The following FGD4 variants were observed in gnomAD, a reference collection of about 807,000 sequenced individuals.
The protein encoded by FGD4 is FYVE, RhoGEF and PH domain containing 4.
FGD4 carries 42 observed loss-of-function variants against 102.0 expected under a neutral mutation model. The observed-to-expected ratio is 0.41, with a 90% CI of 0.32 to 0.53. The LOEUF (loss-of-function observed/expected upper bound fraction) is 0.53, where lower values mean the gene tolerates loss of function less well. Ranked by LOEUF, FGD4 falls within the 20% of genes least tolerant of loss-of-function variation. The pLI is 0.21. For synonymous variants in FGD4, 380 were observed against 375.7 expected, an observed-to-expected ratio of 1.01 and a Z score of -0.13; for missense variants, 902 against 1,078.2, an observed-to-expected ratio of 0.84 and a Z score of 2.29.
Position 32,643,399 on chromosome 12 carries a change from C to T in FGD4, c.*2866C>T, listed in dbSNP as rs1379553656. 5 of 152,212 alleles carry T rather than the reference C, an allele frequency of 3.3e-5. No homozygotes were observed. Among genetic ancestry groups the T allele is most frequent in the Non-Finnish European group, 5.9e-5 (4 of 67,898 alleles). 9.4% of individuals were successfully genotyped at this position (152,212 alleles called of 1,614,324 possible). On this transcript the variant is annotated 3_prime_UTR_variant, in exon 17 of 17. Coordinates refer to ENST00000534526, the MANE Select transcript of FGD4 (RefSeq NM_001370298.3). Reference sequence around the variant, plus strand: ...ACTTTCTAGATGTGATACGGTAATTCGAATTGCAGAGTATAAGGAAGGGAA... The same window carrying T: ...ACTTTCTAGATGTGATACGGTAATTTGAATTGCAGAGTATAAGGAAGGGAA...
In FGD4 at chr12:32,633,918, G is replaced by A. The variant is rs569111282; in HGVS notation, c.2313+229G>A. Among the ~76,000 whole-genome samples, 275 of 152,262 alleles carry A rather than the reference G, an allele frequency of 1.8e-3. 9 individuals are homozygous for A. In the South Asian group the frequency reaches 0.055, roughly 30 times the overall value. ...AGCTGGTCTCAAACTCCTGACCTCA[G>A]GTGATCTGCCCACCTCGGCCTCCCA... is the stretch of plus-strand genomic sequence containing the variant. On this transcript the variant is annotated intron_variant, in intron 15 of 16. Transcript: ENST00000534526.
rs1209832246 is a variant in FGD4, at chr12:32,611,174, T to C, written c.1640T>C (p.Leu547Ser). 6.2e-7 allele frequency: 1 copy of C among 1,614,170 alleles called. No homozygotes were observed. Among genetic ancestry groups the C allele is most frequent in the South Asian group, 1.1e-5 (1 of 91,084 alleles). Residue 547 changes from leucine to serine, a missense_variant, in exon 10 of 17, where the codon TTG (leucine) becomes TCG (serine). Coordinates refer to ENST00000534526, the MANE Select transcript of FGD4 (RefSeq NM_001370298.3). ...AAACTCTTAGAGATTTATGAAATGT[T>C]GGGAGAAGAAGAAGACATTGTAAAC... is the stretch of plus-strand genomic sequence containing the variant. ...LKKLLEIYEM[L>S]GEEEDIVNPS...
intron 1 of FGD4, among the ~76,000 whole-genome samples, chr12:32,467,787 G>A (rs960714186): frequency 6.6e-6 from 1 of 152,074 alleles, no homozygotes; most frequent in Admixed American, 6.5e-5. Context: ...AGGCCAAGGC[G>A]GGCAGATCAC....
At chr12:32,435,264 T>G (rs1942190411) in intron 1 of FGD4, among the ~76,000 whole-genome samples, 1 of 152,102 alleles carries the variant, frequency 6.6e-6, no homozygotes, top group African/African-American at 2.4e-5. Context: ...TTCTTTAAAG[T>G]GAAATGAAAC....
chr12:32,435,747 G>A (rs1395799622), intron 1 of FGD4, among the ~76,000 whole-genome samples: 2 of 152,028 alleles, frequency 1.3e-5, no homozygotes, highest in African/African-American at 2.4e-5. Context: ...GGGTGGCCCC[G>A]CTTTCTGATT....
intron 4 of FGD4, among the ~76,000 whole-genome samples, chr12:32,585,089 C>G (rs1411496496): frequency 6.6e-6 from 1 of 151,444 alleles, no homozygotes; most frequent in Admixed American, 6.6e-5. Context: ...GGTGTGGTGT[C>G]ATGCACCACC....
In FGD4 at chr12:32,497,459, A is replaced by G. The variant is rs532830542; in HGVS notation, c.167-66678A>G. The stretch of plus-strand genomic sequence containing the variant: ...TAATATATAGAAAATATCTAAGGAG[A>G]TACCACCTCTTTATAGATACTGTAT... On this transcript the variant is annotated intron_variant, in intron 1 of 16. Transcript: ENST00000534526. Among the ~76,000 whole-genome samples, 28 of 152,304 alleles carry G rather than the reference A, an allele frequency of 1.8e-4. No individual in the cohort carries two copies. The South Asian group carries it at 5.8e-3, about 32-fold the overall frequency.
chr12:32,519,946 C>CAAAAT (rs1187903019), intron 1 of FGD4, among the ~76,000 whole-genome samples: 2 of 151,882 alleles, frequency 1.3e-5, no homozygotes, highest in Admixed American at 6.6e-5. Flanking sequence ...GACTCCATCT[C>CAAAAT]AAAATAAAAT....
intron 1 of FGD4, among the ~76,000 whole-genome samples, chr12:32,405,486 C>A (rs150331306): frequency 6.6e-6 from 1 of 151,296 alleles, no homozygotes; most frequent in Non-Finnish European, 1.5e-5. Context: ...CTCGAACTCC[C>A]GACCTCAGGT....
At chr12:32,486,075 T>C (rs2136559030) in intron 1 of FGD4, 1 of 1,519,444 alleles carries the variant, frequency 6.6e-7, no homozygotes. Context: ...AAATCCTTGC[T>C]CCAGAAGCAG....
chr12:32,475,411 T>G (rs1943559465), intron 1 of FGD4, among the ~76,000 whole-genome samples: 1 of 152,224 alleles, frequency 6.6e-6, no homozygotes, highest in African/African-American at 2.4e-5. Context: ...TTGGATGCCT[T>G]TGTATCAGAC....
intron 6 of FGD4, among the ~76,000 whole-genome samples, chr12:32,601,624 A>G (rs1295211525): frequency 6.6e-6 from 1 of 152,244 alleles, no homozygotes; most frequent in Non-Finnish European, 1.5e-5. Flanking sequence ...TGAAGACAAG[A>G]TATCGGGTAA....
At chr12:32,419,416 G>T (rs1202351221) in intron 1 of FGD4, among the ~76,000 whole-genome samples, 2 of 152,164 alleles carry the variant, frequency 1.3e-5, no homozygotes, top group Non-Finnish European at 2.9e-5. Flanking sequence ...AATCCTGCCA[G>T]GTTTCCTCTG....
At chr12:32,440,057 A>G (rs1465905047) in intron 1 of FGD4, among the ~76,000 whole-genome samples, 1 of 151,738 alleles carries the variant, frequency 6.6e-6, no homozygotes. Flanking sequence ...TCTCTATGTT[A>G]TTTTGAATTT....
intron 1 of FGD4, among the ~76,000 whole-genome samples, chr12:32,402,117 ATTTTTTTTTTTTTTTT>A (rs56852726): frequency 9.5e-6 from 1 of 105,204 alleles, no homozygotes; most frequent in East Asian, 2.7e-4. Flanking sequence ...TTGGCCAGGC[ATTTTTTTTTTTTTTTT>A]TTTTTTTTTT....
chr12:32,472,177 T>G (rs1474522993), intron 1 of FGD4, among the ~76,000 whole-genome samples: 1 of 152,202 alleles, frequency 6.6e-6, no homozygotes, highest in Non-Finnish European at 1.5e-5. Context: ...CTGCCTGGGC[T>G]CCCACTTTGG....
intron 1 of FGD4, among the ~76,000 whole-genome samples, chr12:32,513,398 T>C (rs1939581506): frequency 6.6e-6 from 1 of 152,188 alleles, no homozygotes; most frequent in Admixed American, 6.5e-5. Flanking sequence ...TAGTCTAAAC[T>C]GTAAGTCAGG....
At chr12:32,629,199 A>G (rs1950351659) in intron 14 of FGD4, among the ~76,000 whole-genome samples, 1 of 152,156 alleles carries the variant, frequency 6.6e-6, no homozygotes. Flanking sequence ...CCTTAAAGGG[A>G]ATTGGTTCAA....
At chr12:32,437,745 A>G (rs1942284242) in intron 1 of FGD4, among the ~76,000 whole-genome samples, 2 of 152,168 alleles carry the variant, frequency 1.3e-5, no homozygotes, top group Admixed American at 6.5e-5. Context: ...TAATCCTGCT[A>G]TTGATGTTGA....
Sources: gnomAD v4.1 joint callset for allele counts (sites outside exome capture counted in the v4.1 genomes callset) on GRCh38, gnomAD v4.1.1 for gene constraint, MANE v1.5 for transcripts, NCBI Gene and HGNC (gene_info 2026-07-23, HGNC 2026-07-21) for gene names.